Variants in DENND1A observed in about 807,000 individuals in gnomAD.
The protein encoded by DENND1A is DENN domain containing 1A.
In DENND1A, 51 loss-of-function variants were observed where a neutral mutation model predicts 113.7. That is an observed-to-expected ratio of 0.45 (90% CI 0.36 to 0.57). The LOEUF is 0.57. Among genes scored for constraint, DENND1A ranks in the 20% least tolerant of loss-of-function variants. DENND1A has a pLI of 0.00. For synonymous variants in DENND1A, 565 were observed against 570.8 expected (o/e 0.99, Z 0.14); for missense variants, 1,258 against 1,395.9 (o/e 0.90, Z 1.57).
intron 13 of DENND1A, among the ~76,000 whole-genome samples, chr9:123,551,888 C>T (rs2057069929): frequency 6.6e-6 from 1 of 152,126 alleles, no homozygotes. Context: ...CCTCAGCAAG[C>T]GGTCCCCTTC....
intron 19 of DENND1A, chr9:123,413,517 G>A: frequency 1.0e-6 from 1 of 985,434 alleles, no homozygotes. Context: ...TGGAGGGCAG[G>A]GCCTGTGTCC....
intron 7 of DENND1A, among the ~76,000 whole-genome samples, chr9:123,670,660 A>C (rs2063720584): frequency 6.6e-6 from 1 of 152,034 alleles, no homozygotes. Context: ...AACATTAAGC[A>C]CTCTCCTGCT....
intron 5 of DENND1A, among the ~76,000 whole-genome samples, chr9:123,746,861 T>C (rs1434596860): frequency 6.6e-6 from 1 of 152,174 alleles, no homozygotes; most frequent in African/African-American, 2.4e-5. Flanking sequence ...ATATTGGCTA[T>C]ATTTTTCATA....
At chr9:123,656,090 A>T (rs1414893404) in intron 8 of DENND1A, among the ~76,000 whole-genome samples, 2 of 152,236 alleles carry the variant, frequency 1.3e-5, no homozygotes, top group Non-Finnish European at 2.9e-5. Context: ...ACGGATATGC[A>T]GGGGAAGGCT....
chr9:123,716,054 C>G (rs1334616856), intron 5 of DENND1A, among the ~76,000 whole-genome samples: 1 of 152,110 alleles, frequency 6.6e-6, no homozygotes, highest in Non-Finnish European at 1.5e-5. Flanking sequence ...CAGGGAGCAG[C>G]CTCTTTTAGG....
chr9:123,482,565 T>C (rs916981695), intron 13 of DENND1A, among the ~76,000 whole-genome samples: 1 of 152,190 alleles, frequency 6.6e-6, no homozygotes, highest in African/African-American at 2.4e-5. Context: ...TTGCCTTTCA[T>C]TCACTGATTC....
At chr9:123,561,531 A>G (rs1351168660) in intron 12 of DENND1A, among the ~76,000 whole-genome samples, 2 of 152,216 alleles carry the variant, frequency 1.3e-5, no homozygotes, top group African/African-American at 4.8e-5. Flanking sequence ...TCCTTTAAAT[A>G]AAAGTAAGGG....
At chr9:123,843,857 TTAAAA>T (rs1052777168) in intron 2 of DENND1A, among the ~76,000 whole-genome samples, 3 of 152,168 alleles carry the variant, frequency 2.0e-5, no homozygotes, top group African/African-American at 7.2e-5. Flanking sequence ...TATCTTCTAG[TTAAAA>T]TAAAGTACTT....
intron 12 of DENND1A, among the ~76,000 whole-genome samples, chr9:123,564,309 T>C (rs1019917127): frequency 6.6e-6 from 1 of 152,232 alleles, no homozygotes; most frequent in East Asian, 1.9e-4. Context: ...TATTGAGTGT[T>C]CACCTCTAAG....
chr9:123,483,745 T>A (rs1250633284), intron 13 of DENND1A, among the ~76,000 whole-genome samples: 1 of 152,118 alleles, frequency 6.6e-6, no homozygotes, highest in Non-Finnish European at 1.5e-5. Context: ...AGTCTTTAGC[T>A]CCCCAAGTCA....
At chr9:123,644,297 C>A (rs1272280414) in intron 9 of DENND1A, among the ~76,000 whole-genome samples, 3 of 140,330 alleles carry the variant, frequency 2.1e-5, no homozygotes, top group African/African-American at 7.9e-5. Flanking sequence ...ATATAAAGTA[C>A]TGAGGACGAA....
intron 5 of DENND1A, among the ~76,000 whole-genome samples, chr9:123,704,078 T>C (rs2066036538): frequency 6.6e-6 from 1 of 152,078 alleles, no homozygotes; most frequent in African/African-American, 2.4e-5. Flanking sequence ...AGACTATATA[T>C]TTTCATGTAC....
At chr9:123,523,467 C>G (rs1200033568) in intron 13 of DENND1A, among the ~76,000 whole-genome samples, 1 of 152,244 alleles carries the variant, frequency 6.6e-6, no homozygotes, top group Non-Finnish European at 1.5e-5. Flanking sequence ...GAACTCAAGT[C>G]ATCCCAATTA....
At chr9:123,472,228 ACT>A (rs1005393251) in intron 13 of DENND1A, among the ~76,000 whole-genome samples, 99 of 151,830 alleles carry the variant, frequency 6.5e-4, no homozygotes, top group African/African-American at 2.2e-3. Flanking sequence ...GACTGAGGTG[ACT>A]CTGTCCAGGT....
chr9:123,884,653 T>G (rs1361276773), intron 1 of DENND1A, among the ~76,000 whole-genome samples: 1 of 152,140 alleles, frequency 6.6e-6, no homozygotes, highest in Non-Finnish European at 1.5e-5. Flanking sequence ...TAACACCACT[T>G]ACTGCTTCCT....
At chr9:123,788,758 C>T (rs1752162) in intron 3 of DENND1A, among the ~76,000 whole-genome samples, 37,345 of 151,936 alleles carry the variant, frequency 0.25, 6,868 homozygotes, top group African/African-American at 0.52. Context: ...CCTAAAGTTA[C>T]AGTAAGAGAC....
At chr9:123,710,991 G>C (rs1209134359) in intron 5 of DENND1A, among the ~76,000 whole-genome samples, 1 of 151,944 alleles carries the variant, frequency 6.6e-6, no homozygotes, top group Non-Finnish European at 1.5e-5. Context: ...TCTTTTTAAT[G>C]TATTTCCCCT....
At chr9:123,901,659 G>A (rs546731126) in intron 1 of DENND1A, among the ~76,000 whole-genome samples, 1 of 152,218 alleles carries the variant, frequency 6.6e-6, no homozygotes, top group East Asian at 1.9e-4. Context: ...CTCATCATGT[G>A]GTTGTGAAGA....
chr9:123,404,461 G>A (rs112658927), intron 20 of DENND1A, among the ~76,000 whole-genome samples: 8 of 152,376 alleles, frequency 5.3e-5, no homozygotes, highest in African/African-American at 1.7e-4. Context: ...CGAGCCTGCC[G>A]GGGCAGGGGG....
Sources: allele counts gnomAD v4.1 joint callset (sites outside exome capture counted in the v4.1 genomes callset), GRCh38; gene constraint gnomAD v4.1.1; transcripts MANE v1.5; gene names NCBI Gene and HGNC (gene_info 2026-07-23, HGNC 2026-07-21).